The following C12orf42 variants were observed in gnomAD, a reference collection of about 807,000 sequenced individuals.
The protein encoded by C12orf42 is chromosome 12 open reading frame 42.
A neutral mutation model predicts 21.6 loss-of-function variants in C12orf42; 25 were observed. The observed-to-expected ratio is 1.16, with a 90% CI of 0.84 to 1.62. C12orf42 has a LOEUF of 1.62. C12orf42 is among the 40% of genes most tolerant of loss of function. The probability of loss-of-function intolerance (pLI) is 0.00; values close to 1 mark genes in which losing one functional copy is unlikely to be tolerated. For synonymous variants in C12orf42, 174 were observed against 175.0 expected, an observed-to-expected ratio of 0.99 and a Z score of 0.05; for missense variants, 483 against 459.3, an observed-to-expected ratio of 1.05 and a Z score of -0.47.
At chr12:103,234,700 CTCT>C (rs970972822), downstream of C12orf42, among the ~76,000 whole-genome samples, 2 of 152,046 alleles carry the variant, frequency 1.3e-5, no homozygotes, top group African/African-American at 2.4e-5. Flanking sequence ...CAGTTCCCTC[CTCT>C]TCTTCTATTA....
At chr12:103,367,274 G>T (rs2137848072) in intron 4 of C12orf42, among the ~76,000 whole-genome samples, 1 of 151,940 alleles carries the variant, frequency 6.6e-6, no homozygotes, top group South Asian at 2.1e-4. Context: ...AATGATAGAG[G>T]GACTTTGAGG....
chr12:103,178,041 T>C, the C12orf42 span: 2 of 152,194 alleles, frequency 1.3e-5, no homozygotes, highest in Admixed American at 1.3e-4. Context: ...GTGCTTATTA[T>C]TTCTTAGTGG....
At chr12:103,319,565 C>A (rs1216957505) in intron 4 of C12orf42, among the ~76,000 whole-genome samples, 1 of 152,234 alleles carries the variant, frequency 6.6e-6, no homozygotes, top group Non-Finnish European at 1.5e-5. Flanking sequence ...ATTAAAGCAA[C>A]ACACTGTGGA....
At chr12:103,302,634 C>A in intron 5 of C12orf42, 75 bp from the exon 6 acceptor site, 2 of 1,252,848 alleles carry the variant, frequency 1.6e-6, no homozygotes, top group South Asian at 2.9e-5. Context: ...CCCGCGACAA[C>A]TGGACGTCTG....
chr12:103,551,615 A>C, the C12orf42 span, among the ~76,000 whole-genome samples: 1 of 152,116 alleles, frequency 6.6e-6, no homozygotes, highest in Admixed American at 6.5e-5. Context: ...TCAGGAGTTC[A>C]AGACCAGCCT....
rs77623062 is a variant in C12orf42 at position 103,383,939 on chromosome 12, T to C, written c.148-14941A>G. Among the ~76,000 whole-genome samples the C allele has an allele frequency of 6.2e-3, 948 of 152,296 alleles. 6 individuals carry two copies. The highest frequency in any genetic ancestry group is 0.021 in the African/African-American group (866 of 41,560). On this transcript the variant is annotated intron_variant, in intron 3 of 5. Transcript: ENST00000548883. The stretch of plus-strand genomic sequence containing the variant: ...GAGCCTAGGTGCTGTCATCATATCA[T>C]GGACAAGGAAAATCACCCGAAGTGT...
the C12orf42 span, among the ~76,000 whole-genome samples, chr12:103,153,215 C>T: frequency 6.6e-6 from 1 of 152,176 alleles, no homozygotes; most frequent in South Asian, 2.1e-4. Flanking sequence ...GAAAAAACTA[C>T]AAAGCATTTG....
the C12orf42 span, among the ~76,000 whole-genome samples, chr12:103,086,327 A>G: frequency 6.6e-6 from 1 of 151,886 alleles, no homozygotes; most frequent in African/African-American, 2.4e-5. Context: ...TATTTTCAGA[A>G]GTAGAGGTCA....
chr12:103,398,358 C>T (rs974949512), intron 3 of C12orf42, among the ~76,000 whole-genome samples: 2 of 152,102 alleles, frequency 1.3e-5, no homozygotes, highest in Non-Finnish European at 2.9e-5. Flanking sequence ...CATTTTTCTA[C>T]CCAGTTAACT....
the C12orf42 span, among the ~76,000 whole-genome samples, chr12:103,222,738 T>C: frequency 6.6e-6 from 1 of 152,088 alleles, no homozygotes; most frequent in Non-Finnish European, 1.5e-5. Context: ...TATATTTTAC[T>C]ACATTTTTTC....
chr12:103,097,018 T>C, the C12orf42 span, among the ~76,000 whole-genome samples: 30 of 152,204 alleles, frequency 2.0e-4, no homozygotes, highest in Admixed American at 3.9e-4. Flanking sequence ...GAGTGTACTT[T>C]CCTCTCAATG....
the C12orf42 span, among the ~76,000 whole-genome samples, chr12:103,184,122 TTC>T: frequency 6.6e-6 from 1 of 152,220 alleles, no homozygotes. Flanking sequence ...TGTCTATTAA[TTC>T]TGTCAGTTTC....
chr12:103,524,045 C>A, the C12orf42 span, among the ~76,000 whole-genome samples: 1 of 152,198 alleles, frequency 6.6e-6, no homozygotes, highest in Non-Finnish European at 1.5e-5. Flanking sequence ...AATTTCCCTT[C>A]TGACAGTTTA....
chr12:103,534,549 T>A, the C12orf42 span, among the ~76,000 whole-genome samples: 1 of 152,116 alleles, frequency 6.6e-6, no homozygotes, highest in Non-Finnish European at 1.5e-5. Context: ...AAATACTTAC[T>A]TCACATTTAC....
the C12orf42 span, among the ~76,000 whole-genome samples, chr12:103,529,756 T>C: frequency 6.6e-6 from 1 of 152,226 alleles, no homozygotes; most frequent in Non-Finnish European, 1.5e-5. Flanking sequence ...ATTCCTTTTA[T>C]GAGGTTTGGC....
intron 10 of C12orf42, chr12:103,263,286 A>T (rs1051259618): frequency 2.6e-5 from 4 of 152,036 alleles, no homozygotes; most frequent in Non-Finnish European, 1.5e-5. Flanking sequence ...TGTACCCTAG[A>T]ACTTAGAGTA....
chr12:103,174,956 C>T, the C12orf42 span, among the ~76,000 whole-genome samples: 1 of 152,246 alleles, frequency 6.6e-6, no homozygotes, highest in South Asian at 2.1e-4. Flanking sequence ...TGATTTGCCA[C>T]ACATATGCTA....
At chr12:103,261,408 G>T (rs1316396667) in intron 10 of C12orf42, among the ~76,000 whole-genome samples, 2 of 151,438 alleles carry the variant, frequency 1.3e-5, no homozygotes, top group African/African-American at 4.9e-5. Flanking sequence ...CCTGACCCAG[G>T]GAGGTGAAAG....
Position 103,381,318 on chromosome 12 carries a change from G to C in C12orf42, c.148-12320C>G, listed in dbSNP as rs1049127575. On this transcript the variant is annotated intron_variant, in intron 3 of 5. Coordinates refer to ENST00000548883, the MANE Select transcript of C12orf42 (RefSeq NM_198521.5). ...AATGTTCTATAGAGCTGAGCACATT[G>C]ACAGGTTAATGCAATTGTCAAAGGA... is the stretch of plus-strand genomic sequence containing the variant. 2.0e-5 allele frequency among the ~76,000 whole-genome samples: 3 copies of C among 152,158 alleles called. 1 individual carries two copies. Among genetic ancestry groups the C allele is most frequent in the Admixed American group, 2.0e-4 (3 of 15,276 alleles).
Sources: gnomAD v4.1 joint callset for allele counts (sites outside exome capture counted in the v4.1 genomes callset) on GRCh38, gnomAD v4.1.1 for gene constraint, MANE v1.5 for transcripts, NCBI Gene and HGNC (gene_info 2026-07-23, HGNC 2026-07-21) for gene names.